Variants in FANCL observed in about 807,000 individuals in gnomAD.
The protein encoded by FANCL is FA complementation group L.
FANCL carries 69 observed loss-of-function variants against 59.4 expected under a neutral mutation model. The ratio of observed to expected loss-of-function variants is 1.16; its 90% CI spans 0.96 to 1.42. The LOEUF (loss-of-function observed/expected upper bound fraction) is 1.42, where lower values mean the gene tolerates loss of function less well. FANCL is among the 40% of genes most tolerant of loss of function. The pLI is 0.00. For synonymous variants in FANCL, 180 were observed against 147.1 expected (o/e 1.22, Z -1.62); for missense variants, 519 against 447.2 (o/e 1.16, Z -1.45).
chr2:58,231,457 T>C (rs1693571068), intron 2 of FANCL, among the ~76,000 whole-genome samples: 1 of 152,210 alleles, frequency 6.6e-6, no homozygotes, highest in Admixed American at 6.5e-5. Context: ...TTGAAAAGCA[T>C]CCTCTATTCC....
intron 5 of FANCL, among the ~76,000 whole-genome samples, chr2:58,211,380 C>T (rs1323385763): frequency 6.6e-6 from 1 of 152,196 alleles, no homozygotes; most frequent in Non-Finnish European, 1.5e-5. Context: ...CCCTAGCCTG[C>T]ACACAGTGCT....
At position 58,204,145 on chromosome 2, in the gene FANCL, G is replaced by T; in HGVS notation, c.456C>A (p.Leu152=). The T allele has an allele frequency of 6.2e-7, 1 of 1,612,692 alleles. No homozygotes were observed. The highest frequency in any genetic ancestry group is 1.1e-5 in the South Asian group (1 of 91,044). Reference sequence around the variant, plus strand: ...AGGCACATACCTTTGCCTTCAACTTGAGAGTGATTAAATGCTCTCTACCAG... The same window carrying T: ...AGGCACATACCTTTGCCTTCAACTTTAGAGTGATTAAATGCTCTCTACCAG... The part of the protein sequence containing the change: ...DASGREHLIT[L]KLKAKYPAES... The change falls in exon 6 of 14, where the codon CTC becomes CTA. Residue 152 remains leucine, a synonymous_variant. Transcript: ENST00000233741.
intron 5 of FANCL, among the ~76,000 whole-genome samples, chr2:58,206,087 A>G (rs1024335283): frequency 1.3e-5 from 2 of 152,124 alleles, no homozygotes; most frequent in African/African-American, 4.8e-5. Context: ...AAAATTGGGA[A>G]GTAGAAATGG....
intron 4 of FANCL, among the ~76,000 whole-genome samples, chr2:58,225,873 A>G (rs561898634): frequency 9.2e-5 from 14 of 152,218 alleles, no homozygotes; most frequent in Non-Finnish European, 1.5e-4. Context: ...TAAGTACCTT[A>G]TAAGTCTTAT....
At chr2:58,162,756 A>C in intron 11 of FANCL, 110 bp downstream of exon 11, 1 of 947,542 alleles carries the variant, frequency 1.1e-6, no homozygotes, top group South Asian at 1.4e-5. Context: ...AGTCTGTGTT[A>C]TAATATTTTT....
chr2:58,159,287 A>AAAAT lies in FANCL; in HGVS notation c.*474_*477dup. On this transcript the variant is annotated 3_prime_UTR_variant, in exon 14 of 14. Transcript: ENST00000233741. ...TATTTAGCATTCTTACACACTACAC[A>AAAAT]AAATAAATACTTGGATAACTCACGT... 1 of 1,336,534 alleles carries AAAAT rather than the reference A, an allele frequency of 7.5e-7. No homozygotes were observed. 82.8% of individuals were successfully genotyped at this position (1,336,534 alleles called of 1,614,324 possible).
chr2:58,227,538 C>A (rs567466969), intron 3 of FANCL, among the ~76,000 whole-genome samples: 9 of 152,292 alleles, frequency 5.9e-5, no homozygotes, highest in African/African-American at 2.2e-4. Context: ...CGTCATTCTG[C>A]CGGTCAATGG....
chr2:58,190,056 G>A (rs1187647570), intron 7 of FANCL, among the ~76,000 whole-genome samples: 1 of 151,836 alleles, frequency 6.6e-6, no homozygotes, highest in Non-Finnish European at 1.5e-5. Flanking sequence ...CTTTAAACAG[G>A]TGATAAATCT....
At chr2:58,182,016 C>T (rs1280095736) in intron 7 of FANCL, among the ~76,000 whole-genome samples, 1 of 151,648 alleles carries the variant, frequency 6.6e-6, no homozygotes, top group Non-Finnish European at 1.5e-5. Context: ...AAAAAAAGCT[C>T]ACTATATAAG....
chr2:58,227,160 G>A (rs573858727), intron 3 of FANCL, among the ~76,000 whole-genome samples: 110 of 152,308 alleles, frequency 7.2e-4, no homozygotes, highest in Admixed American at 3.1e-3. Context: ...GGAGCATACA[G>A]ACGGGCAGGC....
intron 11 of FANCL, among the ~76,000 whole-genome samples, chr2:58,162,440 A>G (rs972962748): frequency 6.6e-6 from 1 of 151,970 alleles, no homozygotes; most frequent in East Asian, 1.9e-4. Flanking sequence ...TGAAAAAAGT[A>G]TATAGTTGAC....
At chr2:58,169,739 G>A (rs553063181) in intron 7 of FANCL, among the ~76,000 whole-genome samples, 6 of 151,976 alleles carry the variant, frequency 3.9e-5, no homozygotes, top group South Asian at 2.1e-4. Flanking sequence ...AACACAGCAC[G>A]AGAACTTTGT....
At chr2:58,223,847 A>G (rs1395216702) in intron 4 of FANCL, among the ~76,000 whole-genome samples, 3 of 151,982 alleles carry the variant, frequency 2.0e-5, no homozygotes, top group Non-Finnish European at 4.4e-5. Flanking sequence ...ACATTTTCTG[A>G]ATAAGTTCAA....
chr2:58,164,584 T>A (rs1685686267), intron 8 of FANCL, among the ~76,000 whole-genome samples: 1 of 151,798 alleles, frequency 6.6e-6, no homozygotes, highest in Non-Finnish European at 1.5e-5. Flanking sequence ...AAATCATGCC[T>A]GGAGGAGAAA....
At chr2:58,166,189 TAATA>T (rs756522337) in intron 7 of FANCL, among the ~76,000 whole-genome samples, 85 of 152,294 alleles carry the variant, frequency 5.6e-4, no homozygotes, top group Non-Finnish European at 7.1e-4. Context: ...CACACAACTT[TAATA>T]AATATTAATG....
chr2:58,160,043 A>G (rs1193034755), intron 13 of FANCL, 65 bp downstream of exon 13: 6 of 1,604,866 alleles, frequency 3.7e-6, no homozygotes, highest in East Asian at 4.5e-5. Context: ...ATATAGATCT[A>G]TCTTCTAGAA....
At chr2:58,211,484 C>A (rs1003336519) in intron 5 of FANCL, among the ~76,000 whole-genome samples, 3 of 152,180 alleles carry the variant, frequency 2.0e-5, no homozygotes, top group African/African-American at 7.2e-5. Context: ...AGACATTTTC[C>A]CCATTATCTT....
chr2:58,198,150 T>C (rs974312306), intron 7 of FANCL, among the ~76,000 whole-genome samples: 3 of 151,764 alleles, frequency 2.0e-5, no homozygotes, highest in African/African-American at 4.8e-5. Context: ...TAAGGAAATA[T>C]AAAAGAAGCA....
intron 7 of FANCL, among the ~76,000 whole-genome samples, chr2:58,172,397 G>C (rs56028716): frequency 0.068 from 10,305 of 152,224 alleles, 443 homozygotes; most frequent in Non-Finnish European, 0.085. Flanking sequence ...ACTCCTCTGA[G>C]ACAAAACTTC....
Sources: allele counts gnomAD v4.1 joint callset (sites outside exome capture counted in the v4.1 genomes callset), GRCh38; gene constraint gnomAD v4.1.1; transcripts MANE v1.5; gene names NCBI Gene and HGNC (gene_info 2026-07-23, HGNC 2026-07-21).